Variants in DNAJC7 observed in about 807,000 individuals in gnomAD.
The protein encoded by DNAJC7 is DnaJ heat shock protein family (Hsp40) member C7, also known as dnaJ homolog subfamily C member 7.
Under a neutral mutation model 67.4 loss-of-function variants are expected in DNAJC7, and 18 were observed. The ratio of observed to expected loss-of-function variants is 0.27; its 90% CI spans 0.18 to 0.40. The LOEUF is 0.40. Among genes scored for constraint, DNAJC7 ranks in the 10% least tolerant of loss-of-function variants. DNAJC7 has a pLI of 1.00. For missense variants in DNAJC7, 419 were observed against 613.8 expected (o/e 0.68, Z 3.35); for synonymous variants, 220 against 207.8 (o/e 1.06, Z -0.50).
intron 12 of DNAJC7, among the ~76,000 whole-genome samples, chr17:41,981,002 C>T (rs369687814): frequency 6.6e-6 from 1 of 152,028 alleles, no homozygotes; most frequent in Non-Finnish European, 1.5e-5. Flanking sequence ...TTCCCTAGAC[C>T]AAGCCCCCTG....
intron 2 of DNAJC7, among the ~76,000 whole-genome samples, chr17:41,998,736 A>G (rs900642411): frequency 6.6e-6 from 1 of 152,190 alleles, no homozygotes; most frequent in African/African-American, 2.4e-5. Flanking sequence ...AAGCATGGAG[A>G]TAACTAAGAC....
intron 9 of DNAJC7, chr17:41,986,216 A>T (rs2143152683): frequency 6.6e-6 from 1 of 152,124 alleles, no homozygotes; most frequent in Non-Finnish European, 1.5e-5. Context: ...AAATACAAAA[A>T]TTTGCTGGGT....
chr17:41,994,440 A>G (rs2051599751), intron 5 of DNAJC7, among the ~76,000 whole-genome samples: 1 of 149,224 alleles, frequency 6.7e-6, no homozygotes, highest in Admixed American at 6.7e-5. Context: ...CTGAGGCAGG[A>G]TAATCGTTTG....
chr17:41,993,231 G>A (rs560505877), intron 5 of DNAJC7, among the ~76,000 whole-genome samples: 23 of 152,210 alleles, frequency 1.5e-4, no homozygotes, highest in South Asian at 2.1e-4. Context: ...AGGCCAAGGC[G>A]GGAGGATCAC....
At chr17:41,993,843 C>A (rs1174742254) in intron 5 of DNAJC7, among the ~76,000 whole-genome samples, 3 of 149,348 alleles carry the variant, frequency 2.0e-5, no homozygotes, top group African/African-American at 2.5e-5. Flanking sequence ...ACGAGACCAG[C>A]CTGACCAACA....
At chr17:41,985,239 A>AT (rs1425334706) in intron 9 of DNAJC7, 3 of 152,102 alleles carry the variant, frequency 2.0e-5, no homozygotes, top group Admixed American at 1.3e-4. Context: ...GGCATCTTTG[A>AT]TTTTCTGGCA....
At chr17:42,014,109 C>T (rs1336493713) in intron 1 of DNAJC7, 15 of 151,712 alleles carry the variant, frequency 9.9e-5, no homozygotes, top group Admixed American at 9.2e-4. Flanking sequence ...AATGTTTATT[C>T]TTCTAAGGAT....
intron 3 of DNAJC7, among the ~76,000 whole-genome samples, chr17:41,996,762 G>A (rs891050828): frequency 2.0e-5 from 3 of 152,156 alleles, no homozygotes; most frequent in African/African-American, 4.8e-5. Flanking sequence ...CAGCCTGGGC[G>A]ACAGAGCTAG....
intron 5 of DNAJC7, among the ~76,000 whole-genome samples, 193 bp downstream of exon 5, chr17:41,994,677 C>G (rs2051608870): frequency 6.6e-6 from 1 of 151,976 alleles, no homozygotes; most frequent in African/African-American, 2.4e-5. Flanking sequence ...TATCATAGGG[C>G]CAAATATAAT....
chr17:42,016,811 C>T, intron 1 of DNAJC7: 1 of 343,534 alleles, frequency 2.9e-6, no homozygotes, highest in Non-Finnish European at 4.4e-6. Flanking sequence ...TCATCTTTGA[C>T]TTCTGGGATA....
At chr17:42,003,832 T>C (rs1271437621) in intron 1 of DNAJC7, among the ~76,000 whole-genome samples, 1 of 151,912 alleles carries the variant, frequency 6.6e-6, no homozygotes, top group African/African-American at 2.4e-5. Context: ...AACTCTTAAA[T>C]ATAATACCAC....
intron 8 of DNAJC7, 133 bp downstream of exon 8, chr17:41,988,599 T>C: frequency 8.9e-7 from 1 of 1,125,694 alleles, no homozygotes; most frequent in South Asian, 1.9e-5. Flanking sequence ...GGAAGGGAGT[T>C]CCTAACAAAC....
chr17:41,977,161 C>T, intron 13 of DNAJC7, 100 bp downstream of exon 13: 1 of 1,210,066 alleles, frequency 8.3e-7, no homozygotes, highest in Non-Finnish European at 1.2e-6. Flanking sequence ...TTCAGCTGCC[C>T]CCGCTCATGG....
intron 1 of DNAJC7, among the ~76,000 whole-genome samples, chr17:42,008,054 T>C (rs782118226): frequency 6.6e-6 from 1 of 151,814 alleles, no homozygotes; most frequent in Non-Finnish European, 1.5e-5. Flanking sequence ...GGCTCATGTC[T>C]ATAATCCCAG....
At chr17:41,988,706 C>T (rs1555647243) in intron 8 of DNAJC7, 26 bp downstream of exon 8, 2 of 1,567,532 alleles carry the variant, frequency 1.3e-6, no homozygotes, top group East Asian at 2.3e-5. Context: ...TTTCTATAGG[C>T]CCCAAGATCT....
At chr17:41,979,657 TAAAAAAAAAAA>T (rs71155200) in intron 12 of DNAJC7, among the ~76,000 whole-genome samples, 1 of 47,868 alleles carries the variant, frequency 2.1e-5, no homozygotes, top group Non-Finnish European at 3.5e-5. Context: ...GGCTCAGTCT[TAAAAAAAAAAA>T]AAAAAAAAAA....
intron 5 of DNAJC7, among the ~76,000 whole-genome samples, chr17:41,991,906 C>T (rs1158543465): frequency 1.3e-5 from 2 of 152,226 alleles, no homozygotes; most frequent in Non-Finnish European, 2.9e-5. Context: ...GTCTCGAACT[C>T]CTCGCCTCAA....
At chr17:41,997,433 A>C (rs1555648832) in intron 2 of DNAJC7, among the ~76,000 whole-genome samples, 194 bp from the exon 3 acceptor site, 1 of 124,364 alleles carries the variant, frequency 8.0e-6, no homozygotes. Context: ...ACTAAAATAC[A>C]AAAAAAAAAA....
intron 1 of DNAJC7, among the ~76,000 whole-genome samples, chr17:42,002,214 T>C (rs1415556989): frequency 2.0e-5 from 3 of 152,200 alleles, no homozygotes; most frequent in African/African-American, 7.2e-5. Flanking sequence ...CAAACTGCTG[T>C]GAAGAAATGG....
Sources: allele counts gnomAD v4.1 joint callset (sites outside exome capture counted in the v4.1 genomes callset), GRCh38; gene constraint gnomAD v4.1.1; transcripts MANE v1.5; gene names NCBI Gene and HGNC (gene_info 2026-07-23, HGNC 2026-07-21).